HAPLN1: variants seen among roughly 807,000 people sequenced by gnomAD.
The protein encoded by HAPLN1 is hyaluronan and proteoglycan link protein 1, also known as Cartilage link protein.
HAPLN1 carries 13 observed loss-of-function variants against 36.5 expected under a neutral mutation model. That is an observed-to-expected ratio of 0.36 (90% CI 0.23 to 0.57). HAPLN1 has a LOEUF of 0.57. Ranked by LOEUF, HAPLN1 falls within the 20% of genes least tolerant of loss-of-function variation. The pLI is 0.83. For synonymous variants in HAPLN1, 202 were observed against 169.8 expected, an observed-to-expected ratio of 1.19 and a Z score of -1.48; for missense variants, 407 against 439.7, an observed-to-expected ratio of 0.93 and a Z score of 0.66.
chr5:83,687,899 G>T (rs769578440), intron 1 of HAPLN1, among the ~76,000 whole-genome samples: 8 of 152,116 alleles, frequency 5.3e-5, no homozygotes, highest in Non-Finnish European at 8.8e-5. Flanking sequence ...ACATCAAAAG[G>T]CTGTTTTGAC....
Position 83,673,504 on chromosome 5 carries a change from A to G in HAPLN1, c.20T>C (p.Leu7Pro), listed in dbSNP as rs1292915705. Reference protein sequence around the residue: MKSLLLLVLISICWADH... With the variant: MKSLLLPVLISICWADH... Reference sequence around the variant, plus strand: ...AGCCCAGCAGATTGAAATCAGCACCAGAAGAAGTAGACTCTTCATCTTTAT... The same window carrying G: ...AGCCCAGCAGATTGAAATCAGCACCGGAAGAAGTAGACTCTTCATCTTTAT... Residue 7 changes from leucine (L) to proline (P), a missense_variant, in exon 2 of 5, where the codon CTG becomes CCG. Physicochemically the swap from Leu to Pro is moderately conservative, Grantham distance 98 (BLOSUM62 -3). Transcript: ENST00000274341. The G allele has an allele frequency of 6.2e-7, 1 of 1,612,774 alleles. No homozygotes were observed. The highest frequency in any genetic ancestry group is 8.5e-7 in the Non-Finnish European group (1 of 1,179,310).
chr5:83,669,176 C>T lies in HAPLN1; in HGVS notation c.100+4248G>A, dbSNP rs997756705. Among the ~76,000 whole-genome samples the T allele has an allele frequency of 3.9e-5, 6 of 152,124 alleles. No homozygotes were observed. In the East Asian group the frequency reaches 9.7e-4, roughly 24 times the overall value. On this transcript the variant is annotated intron_variant, in intron 2 of 4. Transcript: ENST00000274341. ...TATGTTTGGAGAACTTTAGTTTCTA[C>T]CAGGAAAGTAAAAATGGTCAGATAA...
intron 1 of HAPLN1, among the ~76,000 whole-genome samples, chr5:83,703,899 C>A (rs545532419): frequency 6.6e-6 from 1 of 151,506 alleles, no homozygotes; most frequent in South Asian, 2.1e-4. Flanking sequence ...TACAGAGAAC[C>A]CCTGCAAGTT....
At chr5:83,691,544 C>T (rs1042776447) in intron 1 of HAPLN1, among the ~76,000 whole-genome samples, 9 of 151,982 alleles carry the variant, frequency 5.9e-5, no homozygotes, top group Non-Finnish European at 7.4e-5. Context: ...CTTAAGACAG[C>T]TCTAGGACCA....
At chr5:83,714,551 G>A (rs993063304) in intron 1 of HAPLN1, among the ~76,000 whole-genome samples, 1 of 142,416 alleles carries the variant, frequency 7.0e-6, no homozygotes, top group Non-Finnish European at 1.6e-5. Context: ...CATCAACACT[G>A]AAATGTCTCT....
rs932831389 is a variant in HAPLN1, at chr5:83,639,196, T to C, written c.*2300A>G. On this transcript the variant is annotated 3_prime_UTR_variant, in exon 5 of 5. Transcript: ENST00000274341. Reference sequence around the variant, plus strand: ...TTAAAAAGACTCATTCAAGTATGAGTATAAAGGGCATGGAAATTCTGGTCC... The same window carrying C: ...TTAAAAAGACTCATTCAAGTATGAGCATAAAGGGCATGGAAATTCTGGTCC... 6.6e-6 allele frequency: 1 copy of C among 152,006 alleles called. No individual in the cohort carries two copies. Among genetic ancestry groups the C allele is most frequent in the Non-Finnish European group, 1.5e-5 (1 of 67,914 alleles). 9.4% of individuals were successfully genotyped at this position (152,006 alleles called of 1,614,324 possible). A position where few individuals can be genotyped will look rare whatever the true frequency, so the allele number is the denominator to read the frequency against.
chr5:83,702,001 G>T (rs1751520510), intron 1 of HAPLN1, among the ~76,000 whole-genome samples: 1 of 151,954 alleles, frequency 6.6e-6, no homozygotes, highest in Non-Finnish European at 1.5e-5. Context: ...AATATTAAGA[G>T]AGAAATGAGA....
At chr5:83,658,058 T>G (rs958055261) in intron 2 of HAPLN1, among the ~76,000 whole-genome samples, 1 of 152,172 alleles carries the variant, frequency 6.6e-6, no homozygotes. Context: ...TTAATTTCTT[T>G]CTGACATTCC....
chr5:83,674,596 C>A, intron 1 of HAPLN1: 1 of 152,314 alleles, frequency 6.6e-6, no homozygotes, highest in Non-Finnish European at 1.5e-5. Context: ...TGGAAGCTGA[C>A]ACGAAAATTA....
chr5:83,701,814 T>C (rs2112629876), intron 1 of HAPLN1, among the ~76,000 whole-genome samples: 1 of 152,098 alleles, frequency 6.6e-6, no homozygotes, highest in East Asian at 1.9e-4. Context: ...TGGTCCCAGC[T>C]GCTTGGGAGG....
intron 2 of HAPLN1, among the ~76,000 whole-genome samples, chr5:83,664,606 C>T (rs1278401065): frequency 1.3e-5 from 2 of 152,132 alleles, no homozygotes; most frequent in East Asian, 1.9e-4. Context: ...TGGTCTTAAA[C>T]TCCTGACCTC....
rs1220224820 is a variant in HAPLN1, at chr5:83,638,780, CACTT to C, written c.*2712_*2715del. ...TACTGTGACACAATATGACAGCACT[CACTT>C]AAAGATGGCTTCCAGTGTTAATGTG... On this transcript the variant is annotated 3_prime_UTR_variant, in exon 5 of 5. Coordinates refer to ENST00000274341, the MANE Select transcript of HAPLN1 (RefSeq NM_001884.4). 3.9e-5 allele frequency: 6 copies of C among 152,064 alleles called. No individual in the cohort carries two copies. Among genetic ancestry groups the C allele is most frequent in the Admixed American group, 6.6e-5 (1 of 15,266 alleles). 9.4% of individuals were successfully genotyped at this position (152,064 alleles called of 1,614,324 possible).
intron 1 of HAPLN1, among the ~76,000 whole-genome samples, chr5:83,698,946 C>T (rs1284330430): frequency 6.6e-6 from 1 of 152,164 alleles, no homozygotes; most frequent in East Asian, 1.9e-4. Context: ...TAAAGAGCAG[C>T]ATCTCTTGAT....
chr5:83,669,325 C>T (rs918645717), intron 2 of HAPLN1, among the ~76,000 whole-genome samples: 5 of 151,942 alleles, frequency 3.3e-5, no homozygotes, highest in Admixed American at 6.6e-5. Flanking sequence ...ATTGCAAAAC[C>T]CCGCTGCTAC....
intron 1 of HAPLN1, among the ~76,000 whole-genome samples, chr5:83,697,580 T>C (rs747624345): frequency 1.2e-4 from 19 of 152,180 alleles, no homozygotes; most frequent in African/African-American, 2.4e-4. Flanking sequence ...ATGGTAACTA[T>C]ATGTTGAGCT....
chr5:83,655,125 A>G (rs1318769931), intron 2 of HAPLN1, among the ~76,000 whole-genome samples: 1 of 152,226 alleles, frequency 6.6e-6, no homozygotes, highest in Non-Finnish European at 1.5e-5. Context: ...TAAAAAGTAA[A>G]TACATAAAAT....
In HAPLN1 at chr5:83,710,762, C is replaced by A. The variant is rs182348007; in HGVS notation, c.-27+10027G>T. Among the ~76,000 whole-genome samples the A allele has an allele frequency of 2.2e-4, 34 of 152,106 alleles. No individual in the cohort carries two copies. In the East Asian group the frequency reaches 6.4e-3, roughly 29 times the overall value. On this transcript the variant is annotated intron_variant, in intron 1 of 4. Coordinates refer to ENST00000274341, the MANE Select transcript of HAPLN1 (RefSeq NM_001884.4). ...GGTCAGGATTTCGAGACCAGCCTGACCAACATGGCAAAACCCCGTCTCTAC... is the reference window on the plus strand; with the variant it reads ...GGTCAGGATTTCGAGACCAGCCTGAACAACATGGCAAAACCCCGTCTCTAC...
intron 2 of HAPLN1, among the ~76,000 whole-genome samples, chr5:83,664,499 C>T (rs923182444): frequency 1.2e-4 from 18 of 152,146 alleles, no homozygotes; most frequent in Admixed American, 1.1e-3. Context: ...TTTCCTGCTT[C>T]GGCCTTCCAA....
At chr5:83,695,569 TATAAATATATATAGAG>T (rs1206525274) in intron 1 of HAPLN1, among the ~76,000 whole-genome samples, 1 of 147,852 alleles carries the variant, frequency 6.8e-6, no homozygotes, top group Non-Finnish European at 1.5e-5. Flanking sequence ...GAGATGTTTA[TATAAATATATATAGAG>T]ATAAATATAT....
Sources: allele counts gnomAD v4.1 joint callset (sites outside exome capture counted in the v4.1 genomes callset), GRCh38; gene constraint gnomAD v4.1.1; transcripts MANE v1.5; gene names NCBI Gene and HGNC (gene_info 2026-07-23, HGNC 2026-07-21).